CSMD1: variants seen among roughly 807,000 people sequenced by gnomAD.
The protein encoded by CSMD1 is CUB and Sushi multiple domains 1.
Under a neutral mutation model 417.5 loss-of-function variants are expected in CSMD1, and 213 were observed. The observed-to-expected ratio is 0.51, with a 90% confidence interval of 0.46 to 0.57. The LOEUF (loss-of-function observed/expected upper bound fraction) is 0.57. Ranked by LOEUF, CSMD1 falls within the 20% of genes least tolerant of loss-of-function variation. The pLI is 0.00. For missense variants in CSMD1, 6,923 were observed against 4,529.7 expected (o/e 1.53, Z -15.17); for synonymous variants, 2,862 against 1,736.8 (o/e 1.65, Z -16.11).
chr8:3,663,815 A>G (rs990188423), intron 7 of CSMD1, among the ~76,000 whole-genome samples: 1 of 152,172 alleles, frequency 6.6e-6, no homozygotes, highest in Admixed American at 6.5e-5. Flanking sequence ...TGTAAAGCCA[A>G]ACTATACTCT....
At position 3,590,037 on chromosome 8, in the gene CSMD1, T is replaced by C. The variant is rs186066267; in HGVS notation, c.1098-3777A>G. ...CTTGACTAAATTTTTTTGGATATATTTGAAAGAATGCAACATCGCTTTATA... is the reference window on the plus strand; with the variant it reads ...CTTGACTAAATTTTTTTGGATATATCTGAAAGAATGCAACATCGCTTTATA... On this transcript the variant is annotated intron_variant, in intron 8 of 69. Transcript: ENST00000635120. 6.0e-4 allele frequency among the ~76,000 whole-genome samples: 92 copies of C among 152,166 alleles called. 1 individual carries two copies. Among genetic ancestry groups the C allele is most frequent in the Admixed American group, 1.0e-3 (16 of 15,278 alleles).
At chr8:4,888,009 C>G (rs761811972) in intron 1 of CSMD1, among the ~76,000 whole-genome samples, 28 of 152,050 alleles carry the variant, frequency 1.8e-4, no homozygotes, top group Admixed American at 6.5e-4. Context: ...ATGCCTCTCT[C>G]TCTTTCCCTT....
chr8:3,411,715 T>C (rs1446730499), intron 12 of CSMD1, among the ~76,000 whole-genome samples: 2 of 138,084 alleles, frequency 1.4e-5, no homozygotes, highest in African/African-American at 5.4e-5. Flanking sequence ...TACACGTATA[T>C]ATACACGTAC....
In CSMD1 at chr8:3,630,681, G is replaced by A. The variant is rs192537549; in HGVS notation, c.1010-13884C>T. On this transcript the variant is annotated intron_variant, in intron 7 of 69. Coordinates refer to ENST00000635120, the MANE Select transcript of CSMD1 (RefSeq NM_033225.6). ...ATTGCGTTCGAGAAAAAATGTGAGAGAAATGTGTGAGTGGTTTGCTTCCAA... is the reference window on the plus strand; with the variant it reads ...ATTGCGTTCGAGAAAAAATGTGAGAAAAATGTGTGAGTGGTTTGCTTCCAA... Among the ~76,000 whole-genome samples, 351 of 151,952 alleles carry A rather than the reference G, an allele frequency of 2.3e-3. 2 individuals carry two copies. Among genetic ancestry groups the A allele is most frequent in the African/African-American group, 8.2e-3 (340 of 41,450 alleles).
chr8:3,528,290 G>C (rs1797837089), intron 10 of CSMD1, among the ~76,000 whole-genome samples: 1 of 152,198 alleles, frequency 6.6e-6, no homozygotes, highest in South Asian at 2.1e-4. Context: ...TGCCACTGAG[G>C]TGTTTTGCTA....
intron 3 of CSMD1, among the ~76,000 whole-genome samples, chr8:4,112,052 T>G (rs1481875350): frequency 1.3e-5 from 2 of 152,166 alleles, no homozygotes; most frequent in Non-Finnish European, 2.9e-5. Flanking sequence ...ATGTTAACAT[T>G]TGCAATTTTG....
intron 8 of CSMD1, among the ~76,000 whole-genome samples, chr8:3,595,193 C>G (rs569533286): frequency 4.0e-4 from 61 of 152,282 alleles, no homozygotes; most frequent in Middle Eastern, 3.4e-3. Context: ...GGACACGATC[C>G]TAATAAGCAA....
intron 1 of CSMD1, among the ~76,000 whole-genome samples, chr8:4,917,655 TAAAATAA>T (rs998418604): frequency 2.6e-5 from 4 of 151,172 alleles, no homozygotes; most frequent in Admixed American, 6.6e-5. Context: ...ATAAATGAAA[TAAAATAA>T]AAAATAAAAT....
chr8:4,479,283 T>A (rs1048858228), intron 2 of CSMD1, among the ~76,000 whole-genome samples: 2 of 152,216 alleles, frequency 1.3e-5, no homozygotes, highest in African/African-American at 4.8e-5. Flanking sequence ...TGCATTTGTT[T>A]GCTTGTGAAT....
At chr8:3,339,695 C>G (rs1807514041) in intron 23 of CSMD1, among the ~76,000 whole-genome samples, 3 of 152,286 alleles carry the variant, frequency 2.0e-5, no homozygotes, top group East Asian at 1.9e-4. Context: ...TCTGTGGACC[C>G]TCAGTGTCAC....
chr8:4,797,929 T>A (rs746756584), intron 1 of CSMD1, among the ~76,000 whole-genome samples: 1 of 152,252 alleles, frequency 6.6e-6, no homozygotes. Flanking sequence ...CAGATCTCCA[T>A]AAATGAAGAC....
chr8:3,441,325 T>G (rs948684979), intron 12 of CSMD1, among the ~76,000 whole-genome samples: 27 of 152,228 alleles, frequency 1.8e-4, no homozygotes, highest in Admixed American at 5.9e-4. Context: ...CTTAGGAAAC[T>G]AATAGGGGTG....
intron 1 of CSMD1, among the ~76,000 whole-genome samples, chr8:4,900,217 C>T (rs1804776727): frequency 6.6e-6 from 1 of 152,100 alleles, no homozygotes; most frequent in Non-Finnish European, 1.5e-5. Context: ...GGTTGGGTGC[C>T]TCTATCTCCA....
intron 1 of CSMD1, among the ~76,000 whole-genome samples, chr8:4,989,347 T>C (rs748703832): frequency 6.6e-6 from 1 of 152,192 alleles, no homozygotes; most frequent in East Asian, 1.9e-4. Context: ...GTTGGACTTG[T>C]TTACCACTGC....
At chr8:3,243,101 G>T (rs1397566973) in intron 26 of CSMD1, among the ~76,000 whole-genome samples, 6 of 152,128 alleles carry the variant, frequency 3.9e-5, no homozygotes, top group Non-Finnish European at 8.8e-5. Flanking sequence ...GAAGGGTGGC[G>T]ACAAGATTGA....
intron 1 of CSMD1, among the ~76,000 whole-genome samples, chr8:4,774,711 T>C (rs1269156368): frequency 3.3e-5 from 5 of 152,174 alleles, no homozygotes; most frequent in African/African-American, 1.2e-4. Flanking sequence ...CCTTCATGAA[T>C]GGTTTGGTGC....
intron 25 of CSMD1, among the ~76,000 whole-genome samples, chr8:3,292,078 T>C (rs936434453): frequency 6.6e-6 from 1 of 152,330 alleles, no homozygotes; most frequent in Admixed American, 6.5e-5. Context: ...CTTCATTTCA[T>C]TATTTACTCA....
chr8:3,718,783 C>G (rs1047616040), intron 6 of CSMD1, among the ~76,000 whole-genome samples: 13 of 152,184 alleles, frequency 8.5e-5, no homozygotes, highest in African/African-American at 2.9e-4. Flanking sequence ...AATCAGGGAC[C>G]CCATTTAAAT....
chr8:4,520,430 C>T (rs1346740573), intron 2 of CSMD1, among the ~76,000 whole-genome samples: 1 of 152,114 alleles, frequency 6.6e-6, no homozygotes, highest in Non-Finnish European at 1.5e-5. Flanking sequence ...TTTCATAGAT[C>T]TCCATTTGTA....
Sources: allele counts gnomAD v4.1 joint callset (sites outside exome capture counted in the v4.1 genomes callset), GRCh38; gene constraint gnomAD v4.1.1; transcripts MANE v1.5; gene names NCBI Gene and HGNC (gene_info 2026-07-23, HGNC 2026-07-21).